Variants in TCF20 observed in about 807,000 individuals in gnomAD.
TCF20 encodes SPRE-binding protein.
A neutral mutation model predicts 148.6 loss-of-function variants in TCF20; 3 were observed. That is an observed-to-expected ratio of 0.02 (90% CI 0.01 to 0.05). TCF20 has a LOEUF of 0.05. TCF20 is among the 10% of genes least tolerant of loss of function. The pLI is 1.00. For missense variants in TCF20, 2,350 were observed against 2,429.3 expected (o/e 0.97, Z 0.69); for synonymous variants, 1,049 against 909.5 (o/e 1.15, Z -2.76).
chr22:42,337,727 G>A (rs1000293122), intron 1 of TCF20, among the ~76,000 whole-genome samples: 2 of 152,174 alleles, frequency 1.3e-5, no homozygotes, highest in African/African-American at 4.8e-5. Flanking sequence ...ATATTCCAGG[G>A]GTAGTTTCAG....
At chr22:42,257,475 CA>C (rs1331993006) in intron 1 of TCF20, among the ~76,000 whole-genome samples, 1 of 152,138 alleles carries the variant, frequency 6.6e-6, no homozygotes, top group Admixed American at 6.5e-5. Context: ...GAAACAGACA[CA>C]TTCTATTTTA....
rs371398365 is a variant in TCF20 at position 42,191,090 on chromosome 22, C to T, written c.5656-11388G>A. On this transcript the variant is annotated intron_variant, in intron 2 of 5. Coordinates refer to ENST00000677622, the MANE Select transcript of TCF20 (RefSeq NM_001378418.1). Reference sequence around the variant, plus strand: ...CCATTTGCCTCAATTTAAGTTAAATCCAATCTATGTCCCCCTTCTGGAAAA... The same window carrying T: ...CCATTTGCCTCAATTTAAGTTAAATTCAATCTATGTCCCCCTTCTGGAAAA... Among the ~76,000 whole-genome samples the T allele has an allele frequency of 1.4e-4, 22 of 152,224 alleles. 2 individuals are homozygous for T. The highest frequency in any genetic ancestry group is 1.2e-3 in the Admixed American group (18 of 15,290).
chr22:42,316,199 G>C (rs1927628564), intron 1 of TCF20, among the ~76,000 whole-genome samples: 1 of 151,836 alleles, frequency 6.6e-6, no homozygotes, highest in African/African-American at 2.4e-5. Context: ...AGCCCTGGCA[G>C]CTTCCAAGGA....
At chr22:42,335,110 G>A (rs907251817) in intron 1 of TCF20, among the ~76,000 whole-genome samples, 1 of 151,878 alleles carries the variant, frequency 6.6e-6, no homozygotes, top group Non-Finnish European at 1.5e-5. Flanking sequence ...TGCTCCCGGG[G>A]CCCTGCCCAC....
At chr22:42,169,562 G>A (rs1202475980) in intron 4 of TCF20, among the ~76,000 whole-genome samples, 2 of 152,202 alleles carry the variant, frequency 1.3e-5, no homozygotes, top group South Asian at 2.1e-4. Context: ...TGGCTTGATC[G>A]AGTTAGATAT....
chr22:42,166,568 C>A (rs1935800335), intron 5 of TCF20, among the ~76,000 whole-genome samples: 1 of 151,384 alleles, frequency 6.6e-6, no homozygotes, highest in Non-Finnish European at 1.5e-5. Context: ...GAGATCGTGC[C>A]CCTGTACTCC....
intron 1 of TCF20, among the ~76,000 whole-genome samples, chr22:42,229,155 T>TG (rs1168495309): frequency 7.9e-5 from 12 of 151,894 alleles, no homozygotes; most frequent in Admixed American, 3.3e-4. Flanking sequence ...GGAAAGGCAG[T>TG]GGGGGGGTCC....
intron 1 of TCF20, among the ~76,000 whole-genome samples, chr22:42,250,909 T>C (rs1419039207): frequency 6.6e-6 from 1 of 152,188 alleles, no homozygotes; most frequent in African/African-American, 2.4e-5. Context: ...TGATGAGGAC[T>C]GAGCAAGAGA....
intron 1 of TCF20, among the ~76,000 whole-genome samples, chr22:42,253,779 A>C (rs1361105342): frequency 1.3e-5 from 2 of 152,176 alleles, no homozygotes; most frequent in African/African-American, 4.8e-5. Flanking sequence ...AACCAAAGAG[A>C]AAAAAGTAAC....
intron 3 of TCF20, among the ~76,000 whole-genome samples, chr22:42,178,458 T>C (rs568046706): frequency 2.0e-5 from 3 of 152,128 alleles, no homozygotes; most frequent in South Asian, 2.1e-4. Context: ...AGCTAAACTA[T>C]AGGACACCCA....
intron 1 of TCF20, among the ~76,000 whole-genome samples, chr22:42,301,117 G>A (rs747107457): frequency 1.2e-4 from 18 of 151,956 alleles, no homozygotes; most frequent in Non-Finnish European, 2.2e-4. Flanking sequence ...ATGGCTGCTG[G>A]AAGCCAGAGG....
intron 5 of TCF20, 109 bp from the exon 6 acceptor site, chr22:42,161,467 C>A: frequency 7.0e-7 from 1 of 1,424,416 alleles, no homozygotes; most frequent in South Asian, 1.2e-5. Context: ...AGCCTGCACT[C>A]ACGCCCCTCT....
At chr22:42,178,309 C>G (rs1034205078) in intron 3 of TCF20, among the ~76,000 whole-genome samples, 2 of 152,088 alleles carry the variant, frequency 1.3e-5, no homozygotes, top group Admixed American at 1.3e-4. Flanking sequence ...GTCTTGGGAA[C>G]CCCAGTTTAT....
intron 1 of TCF20, among the ~76,000 whole-genome samples, chr22:42,300,411 G>A (rs951929926): frequency 8.6e-5 from 13 of 151,912 alleles, no homozygotes; most frequent in Admixed American, 7.9e-4. Flanking sequence ...GAAAAAAAGC[G>A]CCACATGGGC....
chr22:42,317,371 T>C lies in TCF20; in HGVS notation c.-37+26108A>G, dbSNP rs1462367442. On this transcript the variant is annotated intron_variant, in intron 1 of 1. Transcript: ENST00000515426. This position sits in a 1 kb window ranked among gnomAD's most constrained non-coding sequence, Gnocchi z 4.2. ...CAAGTCTCCCTAGAGTGCGTGTTTA[T>C]GTGTGTGGTGGGGAAGGAGGGGCGG... Among the ~76,000 whole-genome samples the C allele has an allele frequency of 4.6e-5, 7 of 152,174 alleles. No homozygotes were observed. The highest frequency in any genetic ancestry group is 4.6e-4 in the Admixed American group (7 of 15,290).
chr22:42,283,960 G>C (rs749231908), exon 1 of TCF20, among the ~76,000 whole-genome samples: 1 of 152,340 alleles, frequency 6.6e-6, no homozygotes, highest in East Asian at 1.9e-4. Context: ...AAAAGGAAAG[G>C]GGGGCAGTTT....
chr22:42,318,622 C>A (rs1433247596), intron 1 of TCF20, among the ~76,000 whole-genome samples: 1 of 152,130 alleles, frequency 6.6e-6, no homozygotes, highest in Non-Finnish European at 1.5e-5. Flanking sequence ...AGCCCTAGCA[C>A]TGCCCAGCCA....
At position 42,299,090 on chromosome 22, in the gene TCF20, C is replaced by T. The variant is rs1601697960; in HGVS notation, c.-37+44389G>A. Among the ~76,000 whole-genome samples, 1 of 152,210 alleles carries T rather than the reference C, an allele frequency of 6.6e-6. No individual in the cohort carries two copies. On this transcript the variant is annotated intron_variant, in intron 1 of 1. Coordinates refer to the TCF20 transcript ENST00000515426. This position sits in a 1 kb window ranked among gnomAD's most constrained non-coding sequence, Gnocchi z 4.1. ...TCCCACACCCACCGCCTGCCCAGAC[C>T]CCTGCTGTGGAGGGGAACGGAGACC...
chr22:42,311,081 G>A (rs1230501733), intron 1 of TCF20, among the ~76,000 whole-genome samples: 1 of 152,158 alleles, frequency 6.6e-6, no homozygotes, highest in Non-Finnish European at 1.5e-5. Context: ...CCCTCAGAAG[G>A]TGCACACGAG....
Sources: allele counts gnomAD v4.1 joint callset (sites outside exome capture counted in the v4.1 genomes callset), GRCh38; gene constraint gnomAD v4.1.1; non-coding constraint Gnocchi (gnomAD v3.1); transcripts MANE v1.5; gene names NCBI Gene and HGNC (gene_info 2026-07-23, HGNC 2026-07-21).